Variants in TMED10 observed in about 807,000 individuals in gnomAD.
The protein encoded by TMED10 is transmembrane emp24 domain-containing protein 10.
TMED10 carries 7 observed loss-of-function variants against 23.1 expected under a neutral mutation model. The observed-to-expected ratio is 0.30, with a 90% CI of 0.17 to 0.57. TMED10 has a LOEUF of 0.57. Ranked by LOEUF, TMED10 falls within the 20% of genes least tolerant of loss-of-function variation. TMED10 has a pLI of 0.91. For missense variants in TMED10, 162 were observed against 274.8 expected (o/e 0.59, Z 2.90); for synonymous variants, 113 against 106.9 (o/e 1.06, Z -0.35).
chr14:75,142,331 C>T (rs1257784066), intron 3 of TMED10, among the ~76,000 whole-genome samples: 1 of 152,202 alleles, frequency 6.6e-6, no homozygotes, highest in African/African-American at 2.4e-5. Flanking sequence ...TAAAGTTACT[C>T]AGCCCTTTGG....
intron 1 of TMED10, among the ~76,000 whole-genome samples, chr14:75,155,782 G>A (rs1340554057): frequency 6.6e-6 from 1 of 152,084 alleles, no homozygotes; most frequent in East Asian, 1.9e-4. Context: ...AGAAGAGACA[G>A]CAAATATGAA....
chr14:75,143,463 TA>T (rs1895847499), intron 3 of TMED10, among the ~76,000 whole-genome samples: 1 of 152,186 alleles, frequency 6.6e-6, no homozygotes, highest in African/African-American at 2.4e-5. Context: ...ATCTAACCTC[TA>T]GGGAATCTCT....
chr14:75,142,846 G>C (rs991419520), intron 3 of TMED10, among the ~76,000 whole-genome samples: 2 of 151,882 alleles, frequency 1.3e-5, no homozygotes, highest in Non-Finnish European at 2.9e-5. Context: ...ACTCTGCATT[G>C]ATTTTTTTTC....
At chr14:75,174,268 T>A (rs555781710) in intron 1 of TMED10, among the ~76,000 whole-genome samples, 5 of 152,304 alleles carry the variant, frequency 3.3e-5, no homozygotes, top group South Asian at 4.1e-4. Flanking sequence ...TTCAGGGTAC[T>A]GTCCAGGGTG....
At chr14:75,135,039 G>A (rs1310745804) in intron 4 of TMED10, 33 bp from the exon 5 acceptor site, 1 of 1,611,648 alleles carries the variant, frequency 6.2e-7, no homozygotes, top group East Asian at 2.2e-5. Context: ...TAAACATAAT[G>A]AAGTGAGCCT....
intron 1 of TMED10, among the ~76,000 whole-genome samples, chr14:75,173,342 T>C (rs77003718): frequency 0.013 from 1,804 of 142,586 alleles, 35 homozygotes; most frequent in African/African-American, 0.046. Context: ...TGAGCTGTGA[T>C]GGTGCCACTG....
chr14:75,173,441 A>C (rs2139865107), intron 1 of TMED10, among the ~76,000 whole-genome samples: 1 of 152,218 alleles, frequency 6.6e-6, no homozygotes, highest in African/African-American at 2.4e-5. Flanking sequence ...TGTGGCAAAA[A>C]GGCCCACATG....
intron 2 of TMED10, among the ~76,000 whole-genome samples, chr14:75,149,796 T>G (rs1895933952): frequency 1.3e-5 from 2 of 151,868 alleles, no homozygotes; most frequent in Non-Finnish European, 2.9e-5. Context: ...TATGGCATGC[T>G]TGAAAGACAG....
intron 2 of TMED10, among the ~76,000 whole-genome samples, chr14:75,149,534 T>C (rs1895930223): frequency 6.6e-6 from 1 of 152,214 alleles, no homozygotes; most frequent in Non-Finnish European, 1.5e-5. Context: ...ATACAATCCC[T>C]GCCTTCAAAT....
chr14:75,176,159 A>T (rs1340197624), intron 1 of TMED10, 196 bp downstream of exon 1: 2 of 644,806 alleles, frequency 3.1e-6, no homozygotes. Context: ...TGGGGTTCCC[A>T]GGCGTTGGTG....
At chr14:75,157,582 C>A (rs556684950) in intron 1 of TMED10, among the ~76,000 whole-genome samples, 1 of 151,782 alleles carries the variant, frequency 6.6e-6, no homozygotes, top group Non-Finnish European at 1.5e-5. Flanking sequence ...CCCATGAGGT[C>A]GAGGCTGCAG....
intron 1 of TMED10, among the ~76,000 whole-genome samples, chr14:75,161,217 G>T (rs917983002): frequency 6.6e-6 from 1 of 152,206 alleles, no homozygotes. Context: ...GCTGGAAACA[G>T]ATTTTTGAGC....
intron 1 of TMED10, among the ~76,000 whole-genome samples, chr14:75,174,441 T>G (rs923196227): frequency 1.1e-4 from 17 of 152,166 alleles, no homozygotes; most frequent in Non-Finnish European, 2.1e-4. Flanking sequence ...CAACACGAGA[T>G]GAGAGCAAGG....
chr14:75,147,797 A>ACCCG (rs1250622698), intron 2 of TMED10, 60 bp from the exon 3 acceptor site: 1 of 1,234,490 alleles, frequency 8.1e-7, no homozygotes, highest in Non-Finnish European at 1.0e-6. Context: ...GAAATTACCC[A>ACCCG]CCCACCCGCC....
intron 3 of TMED10, among the ~76,000 whole-genome samples, chr14:75,137,939 C>T (rs983097063): frequency 7.2e-5 from 11 of 152,022 alleles, no homozygotes; most frequent in Non-Finnish European, 1.5e-4. Context: ...GAACTCCTAA[C>T]CTCAGGTGAT....
chr14:75,141,406 G>A (rs79709334), intron 3 of TMED10, among the ~76,000 whole-genome samples: 3 of 152,072 alleles, frequency 2.0e-5, no homozygotes, highest in African/African-American at 7.2e-5. Flanking sequence ...GCTTGGGGAG[G>A]GTAGGGGATA....
In TMED10 at chr14:75,138,073, C is replaced by T. The variant is rs80257508; in HGVS notation, c.412-2187G>A. 1.7e-3 allele frequency among the ~76,000 whole-genome samples: 265 copies of T among 152,134 alleles called. 2 individuals are homozygous for T. In the East Asian group the frequency reaches 0.034, roughly 19 times the overall value. ...TTTACTGTACATTCCCTATGGCCCA[C>T]TTTTTTTTCTCTCCTTTGTTCAATT... is the stretch of plus-strand genomic sequence containing the variant. On this transcript the variant is annotated intron_variant, in intron 3 of 4. Transcript: ENST00000303575.
In TMED10 at chr14:75,134,945, T is replaced by A; in HGVS notation, c.600A>T (p.Leu200=). Residue 200 remains leucine, a synonymous_variant, in exon 5 of 5, where the codon CTA becomes CTT. Transcript: ENST00000303575. ...SIFSMFCLIG[L]ATWQVFYLRR... ...GCAGGTAGAAGACCTGCCAGGTAGC[T>A]AGTCCAATGAGACAGAACATTGAAA... 1 of 1,614,102 alleles carries A rather than the reference T, an allele frequency of 6.2e-7. No individual in the cohort carries two copies.
intron 1 of TMED10, among the ~76,000 whole-genome samples, chr14:75,171,905 G>T (rs1436622349): frequency 2.0e-5 from 3 of 151,634 alleles, no homozygotes; most frequent in Non-Finnish European, 4.4e-5. Context: ...TCGACAGAAA[G>T]ATTAAACCTG....
Sources: allele counts gnomAD v4.1 joint callset (sites outside exome capture counted in the v4.1 genomes callset), GRCh38; gene constraint gnomAD v4.1.1; transcripts MANE v1.5; gene names NCBI Gene and HGNC (gene_info 2026-07-23, HGNC 2026-07-21).